FAM222B: variants seen among roughly 807,000 people sequenced by gnomAD.
FAM222B encodes the protein protein FAM222B.
A neutral mutation model predicts 38.0 loss-of-function variants in FAM222B; 12 were observed. The ratio of observed to expected loss-of-function variants is 0.32; its 90% CI spans 0.20 to 0.51. The LOEUF is 0.51. Ranked by LOEUF, FAM222B falls within the 20% of genes least tolerant of loss-of-function variation. The pLI is 0.97. For synonymous variants in FAM222B, 329 were observed against 317.2 expected (o/e 1.04, Z -0.40); for missense variants, 716 against 754.2 (o/e 0.95, Z 0.59).
intron 1 of FAM222B, chr17:28,812,371 C>T (rs1427642595): frequency 6.6e-6 from 1 of 152,158 alleles, no homozygotes; most frequent in African/African-American, 2.4e-5. Flanking sequence ...GGCGGCTGCT[C>T]CGGGTGCCAG....
At chr17:28,828,196 C>T (rs1377015152) in intron 1 of FAM222B, among the ~76,000 whole-genome samples, 2 of 147,480 alleles carry the variant, frequency 1.4e-5, no homozygotes, top group African/African-American at 2.5e-5. Context: ...CAGCAACCTC[C>T]GCCTCCCGGG....
chr17:28,813,795 C>G (rs1285767278), intron 1 of FAM222B, among the ~76,000 whole-genome samples: 1 of 151,894 alleles, frequency 6.6e-6, no homozygotes, highest in Non-Finnish European at 1.5e-5. Context: ...ATCCGCCCGC[C>G]TCGGCCTTCC....
Position 28,817,054 on chromosome 17 carries a change from A to G in FAM222B, c.-41+25628T>C, listed in dbSNP as rs80340781. Among the ~76,000 whole-genome samples the G allele has an allele frequency of 4.6e-3, 695 of 152,234 alleles. 10 individuals are homozygous for G. Among genetic ancestry groups the G allele is most frequent in the African/African-American group, 0.016 (662 of 41,546 alleles). On this transcript the variant is annotated intron_variant, in intron 1 of 2. Coordinates refer to ENST00000581407, the MANE Select transcript of FAM222B (RefSeq NM_001077498.3). The stretch of plus-strand genomic sequence containing the variant: ...TTAGACCCCAGAGACAAAAAGATTA[A>G]TAAGATGTGGTCTTTGTCTTTAAAG...
At chr17:28,815,245 G>A (rs985330875) in intron 1 of FAM222B, among the ~76,000 whole-genome samples, 7 of 148,496 alleles carry the variant, frequency 4.7e-5, no homozygotes, top group African/African-American at 1.7e-4. Context: ...ACAGAGTCTC[G>A]CTCTGTCACC....
intron 1 of FAM222B, among the ~76,000 whole-genome samples, chr17:28,813,685 G>A (rs922627990): frequency 6.6e-6 from 1 of 151,028 alleles, no homozygotes; most frequent in African/African-American, 2.4e-5. Context: ...ACAGGTGGCC[G>A]CCATCACGCC....
intron 1 of FAM222B, among the ~76,000 whole-genome samples, chr17:28,789,490 G>A (rs1231958535): frequency 6.6e-6 from 1 of 152,120 alleles, no homozygotes; most frequent in Non-Finnish European, 1.5e-5. Context: ...ACTGTGCCTG[G>A]CCCACTGTCC....
intron 1 of FAM222B, among the ~76,000 whole-genome samples, chr17:28,851,947 G>C (rs751101870): frequency 6.6e-6 from 1 of 151,890 alleles, no homozygotes; most frequent in Non-Finnish European, 1.5e-5. Flanking sequence ...AGCTACCTGG[G>C]AGGCTAAAAT....
intron 1 of FAM222B, among the ~76,000 whole-genome samples, chr17:28,785,754 G>A (rs1200538637): frequency 1.6e-4 from 24 of 149,638 alleles, no homozygotes; most frequent in African/African-American, 5.9e-4. Flanking sequence ...AGGCTGGAGT[G>A]CAATGACGCA....
At chr17:28,814,007 C>T (rs1477620143) in intron 1 of FAM222B, among the ~76,000 whole-genome samples, 1 of 151,708 alleles carries the variant, frequency 6.6e-6, no homozygotes, top group Non-Finnish European at 1.5e-5. Context: ...CCCAGGTGTT[C>T]GAGACCAGCC....
In FAM222B at chr17:28,854,816, C is replaced by G. The variant is rs2039215166; in HGVS notation, c.-41+134G>C. 7 of 489,208 alleles carry G rather than the reference C, an allele frequency of 1.4e-5. No individual in the cohort carries two copies. In the East Asian group the frequency reaches 2.3e-4, roughly 16 times the overall value. 30.3% of individuals were successfully genotyped at this position (489,208 alleles called of 1,614,324 possible). A position where few individuals can be genotyped will look rare whatever the true frequency, so the allele number is the denominator to read the frequency against. ...AAAAAAATACGTTGTGTATGGGAGT[C>G]CAAAACTACCGTCATGCTTGCACAG... On this transcript the variant is annotated intron_variant, in intron 1 of 2. Transcript: ENST00000577513.
intron 1 of FAM222B, among the ~76,000 whole-genome samples, chr17:28,813,337 ACT>A (rs998890782): frequency 6.6e-6 from 1 of 152,042 alleles, no homozygotes; most frequent in Non-Finnish European, 1.5e-5. Context: ...TGGGGAACAT[ACT>A]CTCAGCAACC....
chr17:28,791,603 A>G (rs926832885), intron 1 of FAM222B, among the ~76,000 whole-genome samples: 1 of 151,778 alleles, frequency 6.6e-6, no homozygotes, highest in African/African-American at 2.4e-5. Flanking sequence ...ACCCTAAGCC[A>G]GGTGCAGTGG....
At chr17:28,780,014 A>G (rs961279397) in intron 1 of FAM222B, among the ~76,000 whole-genome samples, 2 of 150,878 alleles carry the variant, frequency 1.3e-5, no homozygotes, top group African/African-American at 2.4e-5. Flanking sequence ...TCTGTCGCCC[A>G]GGCTGGAGTG....
chr17:28,757,206 GTTTT>G lies in FAM222B; in HGVS notation c.*1060_*1063del, dbSNP rs916475124. ...TCAAAGAGCTTAAGGCTTTGTGTTT[GTTTT>G]TTTTTCCTTCATTAAACTGAGGGGC... is the stretch of plus-strand genomic sequence containing the variant. On this transcript the variant is annotated 3_prime_UTR_variant, in exon 3 of 3. Coordinates refer to ENST00000581407, the MANE Select transcript of FAM222B (RefSeq NM_001077498.3). 1.3e-5 allele frequency: 2 copies of G among 151,012 alleles called. No individual in the cohort carries two copies. Among genetic ancestry groups the G allele is most frequent in the Non-Finnish European group, 3.0e-5 (2 of 67,636 alleles). The allele number at this position is 151,012 out of a possible 1,614,324, so 9.4% of individuals were successfully genotyped here.
At chr17:28,827,679 TTGTTTA>T (rs1310536111) in intron 1 of FAM222B, among the ~76,000 whole-genome samples, 3 of 152,146 alleles carry the variant, frequency 2.0e-5, no homozygotes, top group Non-Finnish European at 4.4e-5. Flanking sequence ...GTTCAGATAA[TTGTTTA>T]TGTTTGTCTA....
chr17:28,833,472 C>G (rs2038735385), intron 1 of FAM222B, among the ~76,000 whole-genome samples: 1 of 151,294 alleles, frequency 6.6e-6, no homozygotes, highest in African/African-American at 2.4e-5. Flanking sequence ...CAAAAATTAG[C>G]TAGGCGTGGT....
chr17:28,817,209 C>T (rs956978802), intron 1 of FAM222B, among the ~76,000 whole-genome samples: 10 of 151,706 alleles, frequency 6.6e-5, no homozygotes, highest in Admixed American at 1.3e-4. Flanking sequence ...GTCAGCAGTT[C>T]GAGACCAGCC....
At chr17:28,837,507 G>A (rs1399735867) in intron 1 of FAM222B, among the ~76,000 whole-genome samples, 1 of 151,760 alleles carries the variant, frequency 6.6e-6, no homozygotes, top group African/African-American at 2.4e-5. Flanking sequence ...TGTATTAAAT[G>A]CATCTGTAAT....
chr17:28,778,716 TATA>T (rs1293286900), intron 1 of FAM222B, among the ~76,000 whole-genome samples: 248 of 88,186 alleles, frequency 2.8e-3, no homozygotes, highest in Middle Eastern at 5.1e-3. Flanking sequence ...TATATATATA[TATA>T]TTTTTTTTTT....
Sources: allele counts gnomAD v4.1 joint callset (sites outside exome capture counted in the v4.1 genomes callset), GRCh38; gene constraint gnomAD v4.1.1; transcripts MANE v1.5; gene names NCBI Gene and HGNC (gene_info 2026-07-23, HGNC 2026-07-21).